The following CAP2 variants were observed in gnomAD, a reference collection of about 807,000 sequenced individuals.
CAP2 encodes the protein adenylyl cyclase-associated protein 2.
CAP2 carries 24 observed loss-of-function variants against 57.7 expected under a neutral mutation model. The ratio of observed to expected loss-of-function variants is 0.42; its 90% CI spans 0.30 to 0.58. The LOEUF is 0.58. Ranked by LOEUF, CAP2 falls within the 20% of genes least tolerant of loss-of-function variation. The pLI is 0.22. For synonymous variants in CAP2, 194 were observed against 207.2 expected (o/e 0.94, Z 0.55); for missense variants, 501 against 590.3 (o/e 0.85, Z 1.57).
At chr6:17,526,305 A>G (rs1340117772) in intron 7 of CAP2, among the ~76,000 whole-genome samples, 1 of 151,938 alleles carries the variant, frequency 6.6e-6, no homozygotes, top group Non-Finnish European at 1.5e-5. Context: ...TTTAGTAGAG[A>G]CAGCGTTTCA....
At chr6:17,466,770 G>A (rs1363667094) in intron 4 of CAP2, among the ~76,000 whole-genome samples, 1 of 152,152 alleles carries the variant, frequency 6.6e-6, no homozygotes, top group East Asian at 1.9e-4. Context: ...GTCAAATCTC[G>A]AATTCATATT....
At chr6:17,490,137 T>C (rs1344113007) in intron 4 of CAP2, among the ~76,000 whole-genome samples, 3 of 152,210 alleles carry the variant, frequency 2.0e-5, no homozygotes, top group Non-Finnish European at 4.4e-5. Context: ...ATATATATCC[T>C]AAATTACCCT....
intron 4 of CAP2, among the ~76,000 whole-genome samples, chr6:17,464,647 G>T (rs1326311377): frequency 6.6e-6 from 1 of 152,180 alleles, no homozygotes; most frequent in Non-Finnish European, 1.5e-5. Context: ...AACCAGAGCT[G>T]TCAGCCCCCA....
At chr6:17,459,912 A>G (rs931245155) in intron 3 of CAP2, among the ~76,000 whole-genome samples, 10 of 152,208 alleles carry the variant, frequency 6.6e-5, no homozygotes, top group Non-Finnish European at 1.3e-4. Context: ...GGGTCCCTGA[A>G]TAGAGACTCT....
chr6:17,524,678 G>T (rs927343365), intron 7 of CAP2, among the ~76,000 whole-genome samples: 1 of 152,098 alleles, frequency 6.6e-6, no homozygotes, highest in Non-Finnish European at 1.5e-5. Flanking sequence ...CATGGAAAGG[G>T]GTAGTTAGTA....
chr6:17,408,464 T>TCCACCTC (rs897146447), intron 1 of CAP2, among the ~76,000 whole-genome samples: 2 of 152,022 alleles, frequency 1.3e-5, no homozygotes, highest in African/African-American at 2.4e-5. Context: ...CCAAACACCT[T>TCCACCTC]CCACCTCCCA....
intron 4 of CAP2, among the ~76,000 whole-genome samples, chr6:17,504,847 A>G (rs1227967375): frequency 6.6e-6 from 1 of 152,154 alleles, no homozygotes; most frequent in African/African-American, 2.4e-5. Flanking sequence ...TTAAATATTA[A>G]TTGTGACCTA....
In CAP2 at chr6:17,445,850, G is replaced by A. The variant is rs368317837; in HGVS notation, c.223-17146G>A. Among the ~76,000 whole-genome samples, 15 of 152,278 alleles carry A rather than the reference G, an allele frequency of 9.9e-5. No individual in the cohort carries two copies. In the South Asian group the frequency reaches 2.9e-3, roughly 29 times the overall value. ...GGTTGGGCTCCCATGGAAAGATATC[G>A]AACAGCACCGCCGCACGTGCTGTGC... On this transcript the variant is annotated intron_variant, in intron 3 of 12. Coordinates refer to ENST00000229922, the MANE Select transcript of CAP2 (RefSeq NM_006366.3).
intron 7 of CAP2, among the ~76,000 whole-genome samples, chr6:17,535,827 C>T (rs1401056548): frequency 6.6e-6 from 1 of 152,118 alleles, no homozygotes; most frequent in Non-Finnish European, 1.5e-5. Context: ...AATTTGTCTA[C>T]AGATTGGAAT....
chr6:17,412,454 C>T (rs1268605606), intron 1 of CAP2, among the ~76,000 whole-genome samples: 1 of 152,240 alleles, frequency 6.6e-6, no homozygotes, highest in Non-Finnish European at 1.5e-5. Context: ...TACTAGAAGA[C>T]TCAAGACCTC....
chr6:17,490,131 A>G lies in CAP2; in HGVS notation c.301-17038A>G, dbSNP rs1761511078. ...TTAATATGCATAGTAATTTTAATATATATCCTAAATTACCCTGGAATGCAG... is the reference window on the plus strand; with the variant it reads ...TTAATATGCATAGTAATTTTAATATGTATCCTAAATTACCCTGGAATGCAG... On this transcript the variant is annotated intron_variant, in intron 4 of 12. Coordinates refer to ENST00000229922, the MANE Select transcript of CAP2 (RefSeq NM_006366.3). Among the ~76,000 whole-genome samples the G allele has an allele frequency of 2.0e-5, 3 of 152,328 alleles. No homozygotes were observed. The South Asian group carries it at 6.2e-4, about 32-fold the overall frequency.
chr6:17,549,362 C>G (rs1276925421), intron 11 of CAP2, among the ~76,000 whole-genome samples: 1 of 151,972 alleles, frequency 6.6e-6, no homozygotes, highest in Non-Finnish European at 1.5e-5. Context: ...ACTCAGGAGG[C>G]TGAAGCAGGA....
At chr6:17,522,829 T>G (rs914315146) in intron 7 of CAP2, among the ~76,000 whole-genome samples, 5 of 152,192 alleles carry the variant, frequency 3.3e-5, no homozygotes, top group Non-Finnish European at 7.3e-5. Flanking sequence ...AGAGTCTCAC[T>G]CTGTCGCCAG....
chr6:17,413,079 T>A (rs1372506106), intron 1 of CAP2, among the ~76,000 whole-genome samples: 1 of 152,122 alleles, frequency 6.6e-6, no homozygotes, highest in Non-Finnish European at 1.5e-5. Context: ...TGGGGAATTG[T>A]AGCTAGAGAG....
rs568874656 is a variant in CAP2, at chr6:17,511,081, A to T, written c.531-2768A>T. Among the ~76,000 whole-genome samples the T allele has an allele frequency of 2.0e-5, 3 of 152,276 alleles. No homozygotes were observed. The East Asian group carries it at 5.8e-4, about 29-fold the overall frequency. ...TGTACTTCCAGTAGTACCAAAGATG[A>T]CTCAGTTAAGCTCAGTGGACTACCT... On this transcript the variant is annotated intron_variant, in intron 6 of 12. Transcript: ENST00000229922.
rs990772933 is a variant in CAP2 at position 17,556,628 on chromosome 6, C to G, written c.*186C>G. On this transcript the variant is annotated 3_prime_UTR_variant, in exon 13 of 13. Transcript: ENST00000229922. Reference sequence around the variant, plus strand: ...GGCATTTTGAAATATTTAACGTTTCCTCATGATTTGCCTTTGTGTGTGATT... The same window carrying G: ...GGCATTTTGAAATATTTAACGTTTCGTCATGATTTGCCTTTGTGTGTGATT... The G allele has an allele frequency of 1.8e-6, 1 of 552,622 alleles. No individual in the cohort carries two copies. The highest frequency in any genetic ancestry group is 3.2e-6 in the Non-Finnish European group (1 of 307,876). The allele number at this position is 552,622 out of a possible 1,614,324, so 34.2% of individuals were successfully genotyped here. A position where few individuals can be genotyped will look rare whatever the true frequency, so the allele number is the denominator to read the frequency against.
In CAP2 at chr6:17,507,174, C is replaced by T. The variant is rs139706381; in HGVS notation, c.306C>T (p.Asp102=). ...CGATGTTTGACTGCTTACAGAATGA[C>T]GTGGCCGCACTTCTGAAACCCATAT... The part of the protein sequence containing the change: ...ASQYQQPHEN[D]VAALLKPISE... The change falls in exon 5 of 13, where the codon GAC becomes GAT. Residue 102 remains aspartate, a synonymous_variant. Transcript: ENST00000229922. 1.1e-4 allele frequency: 172 copies of T among 1,614,032 alleles called. No individual in the cohort carries two copies. Among genetic ancestry groups the T allele is most frequent in the Non-Finnish European group, 1.0e-4 (122 of 1,180,016 alleles).
At chr6:17,476,677 T>C (rs971735312) in intron 4 of CAP2, among the ~76,000 whole-genome samples, 3 of 151,970 alleles carry the variant, frequency 2.0e-5, no homozygotes, top group Non-Finnish European at 4.4e-5. Context: ...AAGGCTTAAA[T>C]GGGAAAAGGA....
intron 4 of CAP2, among the ~76,000 whole-genome samples, chr6:17,487,583 C>T (rs1383639645): frequency 3.3e-5 from 5 of 152,084 alleles, no homozygotes; most frequent in Non-Finnish European, 7.3e-5. Context: ...GATTCTCCTG[C>T]CTCAGCTTCC....
Sources: gnomAD v4.1 joint callset for allele counts (sites outside exome capture counted in the v4.1 genomes callset) on GRCh38, gnomAD v4.1.1 for gene constraint, MANE v1.5 for transcripts, NCBI Gene and HGNC (gene_info 2026-07-23, HGNC 2026-07-21) for gene names.